CGN: variants seen among roughly 807,000 people sequenced by gnomAD.
The protein encoded by CGN is cingulin.
A neutral mutation model predicts 157.1 loss-of-function variants in CGN; 121 were observed. The observed-to-expected ratio is 0.77, with a 90% CI of 0.66 to 0.90. The LOEUF (loss-of-function observed/expected upper bound fraction) is 0.90, where lower values mean the gene tolerates loss of function less well. Among genes scored for constraint, CGN ranks in the 40% least tolerant of loss-of-function variants. The pLI is 0.00. For missense variants in CGN, 1,424 were observed against 1,520.9 expected (o/e 0.94, Z 1.06); for synonymous variants, 535 against 607.5 (o/e 0.88, Z 1.76).
intron 1 of CGN, among the ~76,000 whole-genome samples, chr1:151,514,654 C>T (rs1055057525): frequency 3.3e-5 from 5 of 152,122 alleles, no homozygotes; most frequent in Admixed American, 6.5e-5. Flanking sequence ...CTTATTATCT[C>T]GTAGGGGAGA....
chr1:151,520,478 C>T lies in CGN; in HGVS notation c.1039C>T (p.Leu347=), dbSNP rs138880280. 6.2e-7 allele frequency: 1 copy of T among 1,613,998 alleles called. No homozygotes were observed. The highest frequency in any genetic ancestry group is 8.5e-7 in the Non-Finnish European group (1 of 1,179,952). ...TTTGGTGCTGGAGAAGATGCAGCCT[C>T]TAGTGGTGAGTGGCCTTCTCTGGAT... ...VSLVLEKMQP[L]VMVSSGSTKA... Residue 347 remains leucine (L), a synonymous_variant, in exon 4 of 21, where the codon CTA becomes TTA. Coordinates refer to ENST00000271636, the MANE Select transcript of CGN (RefSeq NM_020770.3).
At chr1:151,528,383 A>G (rs1360375958) in intron 10 of CGN, among the ~76,000 whole-genome samples, 1 of 149,032 alleles carries the variant, frequency 6.7e-6, no homozygotes, top group Non-Finnish European at 1.5e-5. Flanking sequence ...TATATTTTAC[A>G]TGCTATAAAA....
intron 8 of CGN, 147 bp from the exon 9 acceptor site, chr1:151,525,495 A>G: frequency 2.0e-6 from 1 of 502,516 alleles, no homozygotes; most frequent in Non-Finnish European, 3.4e-6. Flanking sequence ...CTCTGCTAGC[A>G]TTGTACCAGG....
intron 15 of CGN, chr1:151,534,681 T>TAC (rs1231064888): frequency 1.1e-5 from 3 of 277,940 alleles, no homozygotes; most frequent in Non-Finnish European, 2.1e-5. Flanking sequence ...CTCTACGTGG[T>TAC]ACTGCCTCCA....
At chr1:151,516,861 C>T (rs984397329) in intron 1 of CGN, among the ~76,000 whole-genome samples, 1 of 150,536 alleles carries the variant, frequency 6.6e-6, no homozygotes, top group Non-Finnish European at 1.5e-5. Flanking sequence ...AGTTTTTAAA[C>T]CACATTTAAA....
chr1:151,521,416 G>A (rs1348282739), intron 5 of CGN, among the ~76,000 whole-genome samples: 1 of 152,238 alleles, frequency 6.6e-6, no homozygotes, highest in African/African-American at 2.4e-5. Flanking sequence ...CTTGTTGGCT[G>A]TGTAACTGAC....
chr1:151,529,683 A>G (rs1433677416), intron 11 of CGN, 124 bp downstream of exon 11: 4 of 945,178 alleles, frequency 4.2e-6, no homozygotes, highest in East Asian at 2.6e-5. Context: ...GGTCCTAGGC[A>G]TGTGGTTCAA....
At position 151,524,913 on chromosome 1, in the gene CGN, G is replaced by C; in HGVS notation, c.1614+27G>C. 1 of 1,584,318 alleles carries C rather than the reference G, an allele frequency of 6.3e-7. No homozygotes were observed. Among genetic ancestry groups the C allele is most frequent in the Non-Finnish European group, 8.6e-7 (1 of 1,158,840 alleles). The stretch of plus-strand genomic sequence containing the variant: ...CATGTGACAAGAGCAGGGTCTGAGA[G>C]AGGAGGGCACTGCTGGAGAACAAGG... On this transcript the variant is annotated intron_variant, in intron 8 of 20. Transcript: ENST00000271636. The surrounding 1 kb of genome is among the most constrained non-coding windows in gnomAD (Gnocchi z 4.4).
Position 151,535,680 on chromosome 1 carries a change from A to G in CGN, c.3075A>G (p.Arg1025=). The G allele has an allele frequency of 6.2e-7, 1 of 1,613,816 alleles. No individual in the cohort carries two copies. ...AGTGTGACAAAATCTCCTTGGAGAGACAGGTGATGGGGGAGGGGAGGATTC... is the reference window on the plus strand; with the variant it reads ...AGTGTGACAAAATCTCCTTGGAGAGGCAGGTGATGGGGGAGGGGAGGATTC... The part of the protein sequence containing the change: ...DLECDKISLE[R]QNKDLKTRLA... Residue 1025 remains arginine, a synonymous_variant, in exon 17 of 21, where the codon AGA becomes AGG. Coordinates refer to ENST00000271636, the MANE Select transcript of CGN (RefSeq NM_020770.3).
At position 151,523,481 on chromosome 1, in the gene CGN, G is replaced by C. The variant is rs777576679; in HGVS notation, c.1188G>C (p.Leu396=). The change falls in exon 6 of 21, where the codon CTG becomes CTC. Residue 396 remains leucine (L), a synonymous_variant. Transcript: ENST00000271636. The stretch of plus-strand genomic sequence containing the variant: ...CCCAAGTTGGGCTGGAGCGGCAGCT[G>C]GAGGAGAAAACAGAAGAGTGCAGCC... The part of the protein sequence containing the change: ...EPSQVGLERQ[L]EEKTEECSRL... 4 of 1,613,662 alleles carry C rather than the reference G, an allele frequency of 2.5e-6. No individual in the cohort carries two copies. In the South Asian group the frequency reaches 3.3e-5, roughly 13 times the overall value.
At chr1:151,522,353 A>G (rs1198948902) in intron 5 of CGN, among the ~76,000 whole-genome samples, 1 of 151,464 alleles carries the variant, frequency 6.6e-6, no homozygotes, top group Non-Finnish European at 1.5e-5. Context: ...GGCTGGGTGC[A>G]ATGGCTCACA....
chr1:151,528,221 T>G (rs913745286), intron 10 of CGN, among the ~76,000 whole-genome samples: 1 of 151,908 alleles, frequency 6.6e-6, no homozygotes, highest in African/African-American at 2.4e-5. Context: ...TCTCCTGACC[T>G]TGTGATCCGC....
At chr1:151,533,101 C>T (rs1366001259) in intron 14 of CGN, among the ~76,000 whole-genome samples, 2 of 152,186 alleles carry the variant, frequency 1.3e-5, no homozygotes, top group Non-Finnish European at 2.9e-5. Context: ...CATACCACTT[C>T]AGTCATCATC....
At chr1:151,516,293 G>A (rs140590126) in intron 1 of CGN, among the ~76,000 whole-genome samples, 75 of 152,300 alleles carry the variant, frequency 4.9e-4, no homozygotes, top group Admixed American at 4.4e-3. Context: ...CACGTTAGAG[G>A]CTCATCCTCC....
chr1:151,536,282 A>G lies in CGN; in HGVS notation c.3243A>G (p.Lys1081=), dbSNP rs1461949604. 6.2e-7 allele frequency: 1 copy of G among 1,613,240 alleles called. No homozygotes were observed. The highest frequency in any genetic ancestry group is 1.3e-5 in the African/African-American group (1 of 74,914). The change falls in exon 19 of 21, where the codon AAA becomes AAG. Residue 1081 remains lysine, a synonymous_variant. Coordinates refer to ENST00000271636, the MANE Select transcript of CGN (RefSeq NM_020770.3). ...CTACCAATCGAAAACTGGAGCGGAA[A>G]GTTAAAGAACTATCCATCCAGATTG... ...LQSTNRKLER[K]VKELSIQIED...
chr1:151,537,389 C>T lies in CGN; in HGVS notation c.*43C>T, dbSNP rs1016126291. The stretch of plus-strand genomic sequence containing the variant: ...CTCAGAAACCAGGCTCGAGGCCTAT[C>T]CCAGCAAGTGCTGCTCTGCTCTGCC... On this transcript the variant is annotated 3_prime_UTR_variant, in exon 21 of 21. Coordinates refer to ENST00000271636, the MANE Select transcript of CGN (RefSeq NM_020770.3). The T allele has an allele frequency of 5.0e-6, 8 of 1,587,016 alleles. No individual in the cohort carries two copies. Among genetic ancestry groups the T allele is most frequent in the Non-Finnish European group, 6.9e-6 (8 of 1,162,130 alleles).
At position 151,519,283 on chromosome 1, in the gene CGN, A is replaced by G; in HGVS notation, c.764A>G (p.Gln255Arg). 6.2e-7 allele frequency: 1 copy of G among 1,614,034 alleles called. No homozygotes were observed. The highest frequency in any genetic ancestry group is 1.3e-5 in the African/African-American group (1 of 75,066). The change falls in exon 2 of 21, where the codon CAG becomes CGG. Residue 255 changes from glutamine to arginine, a missense_variant. Physicochemically the swap from Gln to Arg is conservative, Grantham distance 43 (BLOSUM62 1). Around this residue, in one of 3 missense-constraint regions of CGN, gnomAD observed 1,187 missense variants for 1,217.6 expected, o/e 0.97. Transcript: ENST00000271636. Reference protein sequence around the residue: ...VGTSKQPAQSQNLSPLSGFSR... With the variant: ...VGTSKQPAQSRNLSPLSGFSR... The stretch of plus-strand genomic sequence containing the variant: ...ACTTCGAAGCAGCCAGCCCAGAGCC[A>G]GAACCTGAGTCCTCTCAGTGGCTTT...
Position 151,519,387 on chromosome 1 carries a change from C to A in CGN, c.868C>A (p.Leu290Met). The A allele has an allele frequency of 6.3e-7, 1 of 1,587,342 alleles. No individual in the cohort carries two copies. The highest frequency in any genetic ancestry group is 8.5e-7 in the Non-Finnish European group (1 of 1,173,148). The change falls in exon 2 of 21, where the codon CTG becomes ATG. Residue 290 changes from leucine (L) to methionine (M), a missense_variant. This residue lies in a region of CGN where 1,187 missense variants were observed against 1,217.6 expected (regional missense o/e 0.97). Coordinates refer to ENST00000271636, the MANE Select transcript of CGN (RefSeq NM_020770.3). ...GAGGAGTGCACAGGACCCCACCATG[C>A]TGCAGGTCAGACCCAGCCCCTCCCT... ...PRRSAQDPTMLQFKSTPDLLR... is the reference protein window; with the variant it reads ...PRRSAQDPTMMQFKSTPDLLR...
intron 5 of CGN, among the ~76,000 whole-genome samples, chr1:151,522,482 G>C (rs964706567): frequency 6.7e-6 from 1 of 149,466 alleles, no homozygotes; most frequent in Non-Finnish European, 1.5e-5. Context: ...AAAATTAGTT[G>C]GGCATGGTGG....
Sources: gnomAD v4.1 joint callset for allele counts (sites outside exome capture counted in the v4.1 genomes callset) on GRCh38, gnomAD v4.1.1 for gene constraint, gnomAD v4.1.1 regional missense constraint, Gnocchi (gnomAD v3.1) non-coding constraint, MANE v1.5 for transcripts, NCBI Gene and HGNC (gene_info 2026-07-23, HGNC 2026-07-21) for gene names.